Variants in OTUD7B observed in about 807,000 individuals in gnomAD.
OTUD7B encodes OTU deubiquitinase 7B.
A neutral mutation model predicts 82.2 loss-of-function variants in OTUD7B; 34 were observed. That is an observed-to-expected ratio of 0.41 (90% confidence interval 0.31 to 0.55). The LOEUF (loss-of-function observed/expected upper bound fraction) is 0.55, where lower values mean the gene tolerates loss of function less well. Ranked by LOEUF, OTUD7B falls within the 20% of genes least tolerant of loss-of-function variation. OTUD7B has a pLI of 0.20. For missense variants in OTUD7B, 944 were observed against 1,062.1 expected (o/e 0.89, Z 1.55); for synonymous variants, 398 against 402.7 (o/e 0.99, Z 0.14).
chr1:150,023,542 G>A, the OTUD7B span, among the ~76,000 whole-genome samples: 2 of 152,172 alleles, frequency 1.3e-5, no homozygotes, highest in Non-Finnish European at 2.9e-5. Flanking sequence ...CAGAAAGACA[G>A]ATACCGTATA....
the OTUD7B span, among the ~76,000 whole-genome samples, chr1:150,052,281 TG>T: frequency 2.6e-5 from 4 of 152,204 alleles, no homozygotes; most frequent in Non-Finnish European, 4.4e-5. Context: ...CCCATAGTCT[TG>T]GCTCAAAAGC....
the OTUD7B span, chr1:150,054,229 A>G: frequency 2.3e-6 from 1 of 438,250 alleles, no homozygotes; most frequent in African/African-American, 2.0e-5. Context: ...ATGTGCTTTC[A>G]AAGCTGTTGA....
chr1:150,035,415 GT>G, the OTUD7B span, among the ~76,000 whole-genome samples: 1 of 152,172 alleles, frequency 6.6e-6, no homozygotes, highest in Non-Finnish European at 1.5e-5. Context: ...GGAACACAGG[GT>G]TCAGGTATGG....
chr1:150,025,519 A>G, the OTUD7B span, among the ~76,000 whole-genome samples: 1 of 152,044 alleles, frequency 6.6e-6, no homozygotes, highest in Non-Finnish European at 1.5e-5. Context: ...TGTTTCCAGA[A>G]TTCTCTGTAG....
In OTUD7B at chr1:149,942,736, A is replaced by G. The variant is rs1571574305; in HGVS notation, c.*1121T>C. ...CAAAAGAAGCCGGGATGTTAAGTTCATTCTCCAAAAGTAGAGCAAAGGGAG... is the reference window on the plus strand; with the variant it reads ...CAAAAGAAGCCGGGATGTTAAGTTCGTTCTCCAAAAGTAGAGCAAAGGGAG... On this transcript the variant is annotated 3_prime_UTR_variant, in exon 12 of 12. Transcript: ENST00000581312. 6.6e-6 allele frequency: 1 copy of G among 152,640 alleles called. No individual in the cohort carries two copies. The highest frequency in any genetic ancestry group is 2.1e-4 in the South Asian group (1 of 4,830). The allele number at this position is 152,640 out of a possible 1,614,324, so 9.5% of individuals were successfully genotyped here.
the OTUD7B span, among the ~76,000 whole-genome samples, chr1:150,058,902 TTC>T: frequency 1.3e-5 from 2 of 152,136 alleles, no homozygotes; most frequent in Admixed American, 1.3e-4. Flanking sequence ...GAAAAAATAT[TTC>T]TTTTACAATA....
intron 6 of OTUD7B, chr1:149,962,769 C>CA (rs1402777117): frequency 1.3e-5 from 2 of 152,170 alleles, no homozygotes; most frequent in African/African-American, 2.4e-5. Flanking sequence ...CTTGCCTCTG[C>CA]AGTGGTTAAG....
rs1553770813 is a variant in OTUD7B, at chr1:149,943,046, C to G, written c.*811G>C. The G allele has an allele frequency of 6.6e-6, 1 of 152,456 alleles. No individual in the cohort carries two copies. The highest frequency in any genetic ancestry group is 2.4e-5 in the African/African-American group (1 of 41,350). The allele number at this position is 152,456 out of a possible 1,614,324, so 9.4% of individuals were successfully genotyped here. On this transcript the variant is annotated 3_prime_UTR_variant, in exon 12 of 12. Transcript: ENST00000581312. Reference sequence around the variant, plus strand: ...AATAGATCAGCTCTGCCCCAATTCACCTGGAGAAAATGCAACACACATGAC... The same window carrying G: ...AATAGATCAGCTCTGCCCCAATTCAGCTGGAGAAAATGCAACACACATGAC...
chr1:150,064,235 T>C, the OTUD7B span, among the ~76,000 whole-genome samples: 2 of 152,346 alleles, frequency 1.3e-5, no homozygotes, highest in Admixed American at 6.5e-5. Context: ...ATTCATGAGG[T>C]AGGTTACGTT....
At chr1:150,035,436 A>C in the OTUD7B span, among the ~76,000 whole-genome samples, 1 of 152,122 alleles carries the variant, frequency 6.6e-6, no homozygotes, top group African/African-American at 2.4e-5. Flanking sequence ...GGTGGCATGG[A>C]TGCCCTCACT....
upstream of OTUD7B, among the ~76,000 whole-genome samples, chr1:150,014,689 T>G (rs74126211): frequency 0.047 from 7,182 of 152,194 alleles, 585 homozygotes; most frequent in African/African-American, 0.17. Flanking sequence ...TTGGACTCAT[T>G]TGTGGTGCAA....
chr1:149,981,496 A>G (rs1358817275), intron 1 of OTUD7B, among the ~76,000 whole-genome samples: 4 of 152,214 alleles, frequency 2.6e-5, no homozygotes, highest in African/African-American at 9.7e-5. Flanking sequence ...TCTGTTCTCC[A>G]GGACAATAAA....
rs1242944943 is a variant in OTUD7B, at chr1:149,938,706, GT to G, written c.*5150del. The G allele has an allele frequency of 7.3e-6, 1 of 137,554 alleles. No individual in the cohort carries two copies. Among genetic ancestry groups the G allele is most frequent in the Non-Finnish European group, 1.5e-5 (1 of 65,952 alleles). The allele number at this position is 137,554 out of a possible 1,614,324, so 8.5% of individuals were successfully genotyped here. On this transcript the variant is annotated 3_prime_UTR_variant, in exon 12 of 12. Coordinates refer to ENST00000581312, the MANE Select transcript of OTUD7B (RefSeq NM_020205.4). Reference sequence around the variant, plus strand: ...GTGGGTGGATCACGGATCACCTGAGGTTAGGAATTCAAGACCAGCCTGGCCA... The same window carrying G: ...GTGGGTGGATCACGGATCACCTGAGGTAGGAATTCAAGACCAGCCTGGCCA...
At chr1:150,009,144 C>G (rs587686140) in intron 1 of OTUD7B, among the ~76,000 whole-genome samples, 7 of 152,294 alleles carry the variant, frequency 4.6e-5, no homozygotes, top group African/African-American at 1.7e-4. Context: ...GTAAGTTATA[C>G]ACAGCAAATA....
chr1:149,950,047 C>A (rs367828896), intron 8 of OTUD7B, 47 bp downstream of exon 8: 224 of 1,609,142 alleles, frequency 1.4e-4, no homozygotes, highest in African/African-American at 1.0e-3. Flanking sequence ...TAAGGCTTTG[C>A]AAAAGGGGGT....
the OTUD7B span, among the ~76,000 whole-genome samples, chr1:150,029,139 T>C: frequency 6.6e-6 from 1 of 152,140 alleles, no homozygotes; most frequent in Non-Finnish European, 1.5e-5. Context: ...TGATGGTGAG[T>C]TAGGAAATTC....
chr1:150,035,158 G>T, the OTUD7B span, among the ~76,000 whole-genome samples: 1 of 148,858 alleles, frequency 6.7e-6, no homozygotes, highest in Non-Finnish European at 1.5e-5. Context: ...AAAAAAAAAG[G>T]TCAGTATGAT....
Position 149,944,922 on chromosome 1 carries a change from C to T in OTUD7B, c.1467G>A (p.Lys489=). Residue 489 remains lysine, a synonymous_variant, in exon 12 of 12, where the codon AAG becomes AAA. Coordinates refer to ENST00000581312, the MANE Select transcript of OTUD7B (RefSeq NM_020205.4). ...TCTTCTTGTCCTTCTCCCGATCTCGCTTTGACTTCTCCTTCCGCCGGCCGC... is the reference window on the plus strand; with the variant it reads ...TCTTCTTGTCCTTCTCCCGATCTCGTTTTGACTTCTCCTTCCGCCGGCCGC... ...NEGGRRKEKS[K]RDREKDKKRA... The T allele has an allele frequency of 1.9e-6, 3 of 1,614,196 alleles. No homozygotes were observed. Among genetic ancestry groups the T allele is most frequent in the African/African-American group, 1.3e-5 (1 of 75,040 alleles).
At chr1:150,063,561 G>A in the OTUD7B span, among the ~76,000 whole-genome samples, 1 of 152,182 alleles carries the variant, frequency 6.6e-6, no homozygotes, top group East Asian at 1.9e-4. Flanking sequence ...TAAAAAGTAT[G>A]AATTCAGGAT....
Sources: allele counts gnomAD v4.1 joint callset (sites outside exome capture counted in the v4.1 genomes callset), GRCh38; gene constraint gnomAD v4.1.1; transcripts MANE v1.5; gene names NCBI Gene and HGNC (gene_info 2026-07-23, HGNC 2026-07-21).